The following GLIS3 variants were observed in gnomAD, a reference collection of about 807,000 sequenced individuals.
The protein encoded by GLIS3 is GLIS family zinc finger 3.
In GLIS3, 53 loss-of-function variants were observed where a neutral mutation model predicts 78.6. That is an observed-to-expected ratio of 0.67 (90% CI 0.54 to 0.85). The LOEUF (loss-of-function observed/expected upper bound fraction) is 0.85, where lower values mean the gene tolerates loss of function less well. Among genes scored for constraint, GLIS3 ranks in the 40% least tolerant of loss-of-function variants. The pLI, the probability that GLIS3 is intolerant of heterozygous loss-of-function variation, is 0.00. For missense variants in GLIS3, 1,703 were observed against 1,231.1 expected (o/e 1.38, Z -5.74); for synonymous variants, 684 against 509.9 (o/e 1.34, Z -4.60).
At chr9:4,315,596 C>G (rs1370978505) in intron 2 of GLIS3, among the ~76,000 whole-genome samples, 1 of 152,118 alleles carries the variant, frequency 6.6e-6, no homozygotes. Flanking sequence ...CCATGGAAAA[C>G]TCTTTTCATG....
At chr9:4,248,678 T>C (rs936101354) in intron 2 of GLIS3, among the ~76,000 whole-genome samples, 5 of 152,204 alleles carry the variant, frequency 3.3e-5, no homozygotes, top group African/African-American at 9.6e-5. Flanking sequence ...GTCTTCCACA[T>C]GGTTGAACTA....
chr9:4,348,287 A>C (rs949990750), exon 1 of GLIS3: 6 of 152,204 alleles, frequency 3.9e-5, no homozygotes, highest in Middle Eastern at 3.2e-3. Flanking sequence ...TCACAATATC[A>C]TCGAGGACCA....
chr9:3,869,520 C>A (rs10758508), intron 8 of GLIS3, among the ~76,000 whole-genome samples: 152,200 of 152,360 alleles, frequency 1, 76,020 homozygotes, highest in Non-Finnish European at 1. Flanking sequence ...GTTTGTGTGC[C>A]TGAATGTATA....
chr9:4,133,585 G>C (rs1181958897), intron 2 of GLIS3, among the ~76,000 whole-genome samples: 1 of 152,174 alleles, frequency 6.6e-6, no homozygotes, highest in Non-Finnish European at 1.5e-5. Flanking sequence ...AGTTACTTAA[G>C]CTCTCTGTGC....
At chr9:4,071,623 C>G (rs1299683971) in intron 4 of GLIS3, 1 of 152,132 alleles carries the variant, frequency 6.6e-6, no homozygotes, top group African/African-American at 2.4e-5. Flanking sequence ...TATGCAAAAG[C>G]TTAAAATGGC....
the GLIS3 span, among the ~76,000 whole-genome samples, chr9:4,485,429 A>G: frequency 1.3e-5 from 2 of 152,270 alleles, no homozygotes; most frequent in Non-Finnish European, 2.9e-5. Context: ...CCGACTCTGC[A>G]TAAGGACCAC....
At chr9:4,035,452 T>C (rs1824218504) in intron 4 of GLIS3, among the ~76,000 whole-genome samples, 1 of 151,428 alleles carries the variant, frequency 6.6e-6, no homozygotes, top group African/African-American at 2.4e-5. Flanking sequence ...TTCCACCTTC[T>C]ATCTCTCTCC....
At chr9:4,367,633 CAAAAAA>C in the GLIS3 span, among the ~76,000 whole-genome samples, 3 of 62,012 alleles carry the variant, frequency 4.8e-5, no homozygotes, top group Admixed American at 6.4e-4. Context: ...GACTCCATCT[CAAAAAA>C]AAAAAAAAAA....
At chr9:4,236,070 T>G (rs894948615) in intron 2 of GLIS3, among the ~76,000 whole-genome samples, 1 of 151,780 alleles carries the variant, frequency 6.6e-6, no homozygotes, top group African/African-American at 2.4e-5. Context: ...AACAAGCCTT[T>G]GTTGACAACT....
At chr9:4,397,315 A>C in the GLIS3 span, among the ~76,000 whole-genome samples, 1 of 150,792 alleles carries the variant, frequency 6.6e-6, no homozygotes, top group Non-Finnish European at 1.5e-5. Flanking sequence ...GTGAGCCACC[A>C]CACCCTGCCG....
chr9:3,920,335 T>G (rs1824802108), intron 6 of GLIS3, among the ~76,000 whole-genome samples: 1 of 152,188 alleles, frequency 6.6e-6, no homozygotes, highest in Non-Finnish European at 1.5e-5. Context: ...AAATCACCCT[T>G]TCTTGCTTTT....
At chr9:3,869,679 C>T (rs1366255513) in intron 8 of GLIS3, among the ~76,000 whole-genome samples, 2 of 152,190 alleles carry the variant, frequency 1.3e-5, no homozygotes, top group African/African-American at 4.8e-5. Context: ...TGACCTCTTG[C>T]TTCTTAGGCA....
At chr9:4,296,994 C>G (rs189798591) in intron 1 of GLIS3, among the ~76,000 whole-genome samples, 2 of 151,366 alleles carry the variant, frequency 1.3e-5, no homozygotes, top group African/African-American at 4.9e-5. Context: ...TTCATCGTGG[C>G]GGATTCTTTT....
intron 2 of GLIS3, among the ~76,000 whole-genome samples, chr9:4,344,464 C>T (rs34601259): frequency 3.8e-4 from 58 of 152,148 alleles, no homozygotes; most frequent in Non-Finnish European, 7.5e-4. Context: ...TTCGTTATCA[C>T]GTCTTCTCTG....
chr9:4,332,507 C>A (rs927572253), intron 2 of GLIS3, among the ~76,000 whole-genome samples: 1 of 152,212 alleles, frequency 6.6e-6, no homozygotes, highest in African/African-American at 2.4e-5. Flanking sequence ...TCCTCTCTCC[C>A]GTCTTGCTGG....
intron 4 of GLIS3, among the ~76,000 whole-genome samples, chr9:4,100,947 G>A (rs1317231046): frequency 1.3e-5 from 2 of 152,150 alleles, no homozygotes; most frequent in South Asian, 2.1e-4. Context: ...CTGGAGTTAT[G>A]TAATATAATA....
the GLIS3 span, among the ~76,000 whole-genome samples, chr9:4,394,310 T>A: frequency 7.9e-3 from 1,206 of 151,718 alleles, 10 homozygotes; most frequent in African/African-American, 0.027. Context: ...AATTAAATAA[T>A]TTAAAAATTA....
At chr9:4,149,111 A>T (rs1834465770) in intron 2 of GLIS3, among the ~76,000 whole-genome samples, 1 of 152,216 alleles carries the variant, frequency 6.6e-6, no homozygotes, top group South Asian at 2.1e-4. Context: ...GTACTATTAC[A>T]GCTGCTACTA....
the GLIS3 span, among the ~76,000 whole-genome samples, chr9:4,453,065 G>A: frequency 6.6e-6 from 1 of 152,058 alleles, no homozygotes; most frequent in African/African-American, 2.4e-5. Context: ...AATAGGAAAA[G>A]GATTCCCTTC....
Sources: gnomAD v4.1 joint callset for allele counts (sites outside exome capture counted in the v4.1 genomes callset) on GRCh38, gnomAD v4.1.1 for gene constraint, MANE v1.5 for transcripts, NCBI Gene and HGNC (gene_info 2026-07-23, HGNC 2026-07-21) for gene names.